ACO1: variants seen among roughly 807,000 people sequenced by gnomAD.
ACO1 encodes aconitase 1, also known as cytoplasmic aconitate hydratase.
ACO1 carries 78 observed loss-of-function variants against 105.1 expected under a neutral mutation model. The observed-to-expected ratio is 0.74, with a 90% CI of 0.62 to 0.90. The LOEUF (loss-of-function observed/expected upper bound fraction) is 0.90. Ranked by LOEUF, ACO1 falls within the 40% of genes least tolerant of loss-of-function variation. ACO1 has a pLI of 0.00. For synonymous variants in ACO1, 364 were observed against 397.4 expected (o/e 0.92, Z 1.00); for missense variants, 965 against 1,111.1 (o/e 0.87, Z 1.87).
chr9:32,408,794 G>A (rs570128113), intron 4 of ACO1, 143 bp downstream of exon 4: 25 of 988,978 alleles, frequency 2.5e-5, no homozygotes, highest in Admixed American at 1.6e-4. Flanking sequence ...TATACATTTC[G>A]CAGTAAAGAT....
chr9:32,438,008 T>A (rs995700161), intron 18 of ACO1, among the ~76,000 whole-genome samples: 11 of 152,132 alleles, frequency 7.2e-5, no homozygotes, highest in Non-Finnish European at 1.6e-4. Context: ...AAGCAAAATT[T>A]CTCTGAGAAT....
intron 1 of ACO1, among the ~76,000 whole-genome samples, chr9:32,399,034 C>A (rs1166507210): frequency 6.6e-6 from 1 of 152,170 alleles, no homozygotes; most frequent in African/African-American, 2.4e-5. Context: ...CCTTTCCTTG[C>A]TATAATTCAC....
rs72561763 is a variant in ACO1, at chr9:32,412,342, T to C, written c.404+3691T>C. Among the ~76,000 whole-genome samples the C allele has an allele frequency of 1.4e-4, 21 of 152,346 alleles. No homozygotes were observed. The East Asian group carries it at 4.0e-3, about 29-fold the overall frequency. Reference sequence around the variant, plus strand: ...AAGATTGGAAAGGGTGCCAAGTTGCTAAGCAGTTATCTCAGGGATTGCAAC... The same window carrying C: ...AAGATTGGAAAGGGTGCCAAGTTGCCAAGCAGTTATCTCAGGGATTGCAAC... On this transcript the variant is annotated intron_variant, in intron 4 of 20. Transcript: ENST00000309951.
intron 9 of ACO1, among the ~76,000 whole-genome samples, chr9:32,423,773 G>A (rs943799962): frequency 1.3e-5 from 2 of 152,122 alleles, no homozygotes; most frequent in African/African-American, 4.8e-5. Context: ...GGAGGGAGGT[G>A]AAGGATAAAA....
At position 32,430,418 on chromosome 9, in the gene ACO1, G is replaced by T; in HGVS notation, c.1570G>T (p.Gly524Ter). The T allele has an allele frequency of 6.2e-7, 1 of 1,607,648 alleles. No individual in the cohort carries two copies. Among genetic ancestry groups the T allele is most frequent in the Non-Finnish European group, 8.5e-7 (1 of 1,177,560 alleles). Residue 524 changes from glycine to a stop codon, truncating the protein, a stop_gained and splice_region_variant, in exon 14 of 21, where the codon GGA becomes TGA. Coordinates refer to ENST00000309951, the MANE Select transcript of ACO1 (RefSeq NM_002197.3). LOFTEE classifies it high-confidence loss of function. ...CTGATTTTTCTCTTGCCTTACTCAG[G>T]GAGACCTTGTAGCTGTTGGAGTACT... ...PEPVVEAITQ[G>*]DLVAVGVLSG...
In ACO1 at chr9:32,415,410, A is replaced by C. The variant is rs373011218; in HGVS notation, c.405-2718A>C. On this transcript the variant is annotated intron_variant, in intron 4 of 20. Transcript: ENST00000309951. Reference sequence around the variant, plus strand: ...GCTATAGGTACTAAGTGGTGGGAAAAGAGCTCATTAGATATGGACAGACAG... The same window carrying C: ...GCTATAGGTACTAAGTGGTGGGAAACGAGCTCATTAGATATGGACAGACAG... Among the ~76,000 whole-genome samples, 10 of 152,284 alleles carry C rather than the reference A, an allele frequency of 6.6e-5. No individual in the cohort carries two copies. The East Asian group carries it at 9.6e-4, about 15-fold the overall frequency.
At chr9:32,426,599 T>A (rs1822104425) in intron 11 of ACO1, among the ~76,000 whole-genome samples, 2 of 152,238 alleles carry the variant, frequency 1.3e-5, no homozygotes, top group African/African-American at 4.8e-5. Context: ...ACACGGGCAT[T>A]AGGAAAGCCT....
rs1563943405 is a variant in ACO1, at chr9:32,431,712, T to TC, written c.1727-3dup. 1 of 1,613,560 alleles carries TC rather than the reference T, an allele frequency of 6.2e-7. No individual in the cohort carries two copies. Among genetic ancestry groups the TC allele is most frequent in the East Asian group, 2.2e-5 (1 of 44,864 alleles). ...AGTTTTCTCATTAATAAACATTTTT[T>TC]CCCCAGGAGTAAATGCAAAGGGACA... On this transcript the variant is annotated splice_region_variant and splice_polypyrimidine_tract_variant and intron_variant, in intron 14 of 20. Coordinates refer to ENST00000309951, the MANE Select transcript of ACO1 (RefSeq NM_002197.3).
In ACO1 at chr9:32,386,077, G is replaced by C. The variant is rs371620587; in HGVS notation, c.-23+1342G>C. On this transcript the variant is annotated intron_variant, in intron 1 of 20. Transcript: ENST00000309951. The stretch of plus-strand genomic sequence containing the variant: ...TCAGCAAGGCTTCGCACATGCCTTT[G>C]GTTGTCTCTGTGCTTGCAGAGCTGA... Among the ~76,000 whole-genome samples the C allele has an allele frequency of 3.9e-5, 6 of 152,310 alleles. No homozygotes were observed. In the East Asian group the frequency reaches 1.2e-3, roughly 29 times the overall value.
intron 19 of ACO1, among the ~76,000 whole-genome samples, chr9:32,446,779 G>A (rs1822618335): frequency 6.6e-6 from 1 of 152,150 alleles, no homozygotes; most frequent in African/African-American, 2.4e-5. Flanking sequence ...AGGCAGACCT[G>A]GTGGTGACAG....
Position 32,436,639 on chromosome 9 carries a change from A to G in ACO1, c.2247+242A>G, listed in dbSNP as rs147816773. On this transcript the variant is annotated intron_variant, in intron 18 of 20. Transcript: ENST00000309951. ...ACTGAGTCTCTTTTCTTAGGAATTG[A>G]GCTTTGAGTGACATTTCATTTAAAG... Among the ~76,000 whole-genome samples the G allele has an allele frequency of 1.6e-3, 243 of 152,294 alleles. 2 individuals carry two copies. The highest frequency in any genetic ancestry group is 5.6e-3 in the African/African-American group (233 of 41,568).
chr9:32,388,320 G>A (rs1469752116), intron 1 of ACO1, among the ~76,000 whole-genome samples: 4 of 152,146 alleles, frequency 2.6e-5, no homozygotes, highest in Non-Finnish European at 5.9e-5. Context: ...CTTGAGCCCA[G>A]GAGTTCAAGA....
rs373705791 is a variant in ACO1, at chr9:32,419,097, C to T, written c.718C>T (p.Pro240Ser). ...GGGTCAGCCAATCAGTATGGTGCTTCCTCAGGTGATTGGCTACAGGCTGAT... is the reference window on the plus strand; with the variant it reads ...GGGTCAGCCAATCAGTATGGTGCTTTCTCAGGTGATTGGCTACAGGCTGAT... Reference protein sequence around the residue: ...MLGQPISMVLPQVIGYRLMGK... With the variant: ...MLGQPISMVLSQVIGYRLMGK... The change falls in exon 7 of 21, where the codon CCT (proline) becomes TCT (serine). Residue 240 changes from proline to serine, a missense_variant. Physicochemically the swap from Pro to Ser is moderately conservative, Grantham distance 74 (BLOSUM62 -1). Coordinates refer to ENST00000309951, the MANE Select transcript of ACO1 (RefSeq NM_002197.3). 4 of 1,609,972 alleles carry T rather than the reference C, an allele frequency of 2.5e-6. No homozygotes were observed. Among genetic ancestry groups the T allele is most frequent in the African/African-American group, 2.7e-5 (2 of 74,708 alleles).
At position 32,427,417 on chromosome 9, in the gene ACO1, C is replaced by T. The variant is rs373037294; in HGVS notation, c.1465C>T (p.Pro489Ser). The T allele has an allele frequency of 3.1e-6, 5 of 1,614,184 alleles. No homozygotes were observed. Among genetic ancestry groups the T allele is most frequent in the Non-Finnish European group, 4.2e-6 (5 of 1,180,026 alleles). The change falls in exon 12 of 21, where the codon CCT (proline) becomes TCT (serine). Residue 489 changes from proline to serine, a missense_variant. Coordinates refer to ENST00000309951, the MANE Select transcript of ACO1 (RefSeq NM_002197.3). ...CTACCTACAAGAAAGCGGAGTCATG[C>T]CTTATCTGTCTCAGCTTGGGTGAGG... ...TYYLQESGVM[P>S]YLSQLGFDVV...
At chr9:32,412,057 C>G (rs370271081) in intron 4 of ACO1, among the ~76,000 whole-genome samples, 11 of 152,008 alleles carry the variant, frequency 7.2e-5, no homozygotes, top group African/African-American at 2.7e-4. Context: ...TAGCTGACTT[C>G]AGAAAAAGCT....
rs1157673817 is a variant in ACO1 at position 32,431,809 on chromosome 9, C to T, written c.1817C>T (p.Pro606Leu). 36 of 1,613,954 alleles carry T rather than the reference C, an allele frequency of 2.2e-5. No individual in the cohort carries two copies. Among genetic ancestry groups the T allele is most frequent in the Non-Finnish European group, 2.5e-5 (29 of 1,180,006 alleles). The change falls in exon 15 of 21, where the codon CCG (proline) becomes CTG (leucine). Residue 606 changes from proline to leucine, a missense_variant. Pro to Leu is a moderately conservative substitution (Grantham distance 98, BLOSUM62 -3). Coordinates refer to ENST00000309951, the MANE Select transcript of ACO1 (RefSeq NM_002197.3). ...IQAVERQYVI[P>L]GMFKEVYQKI... ...GCAGTGGAGCGTCAGTATGTCATCC[C>T]GGGGATGTTTAAGGAAGTCTATCAG...
At chr9:32,393,726 T>C (rs550126472) in intron 1 of ACO1, among the ~76,000 whole-genome samples, 31 of 152,188 alleles carry the variant, frequency 2.0e-4, no homozygotes, top group African/African-American at 7.5e-4. Context: ...TTGTACTCTT[T>C]CCCTTTATTT....
intron 7 of ACO1, among the ~76,000 whole-genome samples, chr9:32,420,093 G>A (rs990103955): frequency 9.6e-6 from 1 of 104,350 alleles, no homozygotes; most frequent in Non-Finnish European, 2.5e-5. Flanking sequence ...CACAAAATTT[G>A]GCAGAATTCC....
At chr9:32,438,672 A>G (rs1822414558) in intron 18 of ACO1, among the ~76,000 whole-genome samples, 1 of 152,276 alleles carries the variant, frequency 6.6e-6, no homozygotes. Context: ...ACAAATGAAA[A>G]TTACTGACTC....
Sources: gnomAD v4.1 joint callset for allele counts (sites outside exome capture counted in the v4.1 genomes callset) on GRCh38, gnomAD v4.1.1 for gene constraint, MANE v1.5 for transcripts, NCBI Gene and HGNC (gene_info 2026-07-23, HGNC 2026-07-21) for gene names.